Variants in RERE observed in about 807,000 individuals in gnomAD.
RERE encodes arginine-glutamic acid dipeptide repeats protein.
A neutral mutation model predicts 146.1 loss-of-function variants in RERE; 40 were observed. The observed-to-expected ratio is 0.27, with a 90% CI of 0.21 to 0.36. The LOEUF (loss-of-function observed/expected upper bound fraction) is 0.36. RERE is among the 10% of genes least tolerant of loss of function. The pLI, the probability that RERE is intolerant of heterozygous loss-of-function variation, is 1.00. For synonymous variants in RERE, 1,003 were observed against 866.0 expected (o/e 1.16, Z -2.78); for missense variants, 1,933 against 2,138.7 (o/e 0.90, Z 1.90).
At chr1:8,503,461 G>A (rs1645208691) in intron 8 of RERE, among the ~76,000 whole-genome samples, 1 of 152,150 alleles carries the variant, frequency 6.6e-6, no homozygotes, top group Admixed American at 6.5e-5. Flanking sequence ...AATGGCAAAT[G>A]ACTGGAATCA....
chr1:8,714,110 C>T (rs373340544), intron 1 of RERE, among the ~76,000 whole-genome samples: 1 of 152,134 alleles, frequency 6.6e-6, no homozygotes, highest in East Asian at 1.9e-4. Flanking sequence ...TTGCCATTCA[C>T]CCCAAGAAGT....
intron 1 of RERE, among the ~76,000 whole-genome samples, chr1:8,767,427 C>G (rs1346893393): frequency 6.6e-6 from 1 of 151,998 alleles, no homozygotes; most frequent in African/African-American, 2.4e-5. Context: ...ATGGTGAAAT[C>G]TCATCTCTAC....
Position 8,656,361 on chromosome 1 carries a change from C to T in RERE, c.-64G>A. ...GCCTCCGTGAAAGGTAGACAGTAAG[C>T]CTGGGCTTCAGTCTTCTGAATTTCT... is the stretch of plus-strand genomic sequence containing the variant. On this transcript the variant is annotated 5_prime_UTR_variant, in exon 2 of 23. Transcript: ENST00000400908. 6.6e-7 allele frequency: 1 copy of T among 1,522,208 alleles called. No homozygotes were observed. The highest frequency in any genetic ancestry group is 2.2e-5 in the Admixed American group (1 of 45,220). The allele number at this position is 1,522,208 out of a possible 1,614,324, so 94.3% of individuals were successfully genotyped here. A position where few individuals can be genotyped will look rare whatever the true frequency, so the allele number is the denominator to read the frequency against.
At chr1:8,391,838 C>G (rs1191559982) in intron 12 of RERE, among the ~76,000 whole-genome samples, 1 of 152,134 alleles carries the variant, frequency 6.6e-6, no homozygotes, top group East Asian at 1.9e-4. Context: ...GAGTCCTACA[C>G]CAGCCTGGCC....
intron 1 of RERE, among the ~76,000 whole-genome samples, chr1:8,762,676 A>T (rs1640777566): frequency 6.6e-6 from 1 of 152,122 alleles, no homozygotes; most frequent in Non-Finnish European, 1.5e-5. Context: ...CCTCAGGGGG[A>T]CTTTCCTCTG....
intron 12 of RERE, among the ~76,000 whole-genome samples, chr1:8,401,622 T>C (rs941342548): frequency 1.3e-5 from 2 of 151,904 alleles, no homozygotes; most frequent in Non-Finnish European, 2.9e-5. Flanking sequence ...TAGCCAGGCA[T>C]GGCATCATGC....
chr1:8,355,355 C>A, intron 22 of RERE, 64 bp downstream of exon 22: 1 of 1,556,202 alleles, frequency 6.4e-7, no homozygotes, highest in Non-Finnish European at 8.8e-7. Flanking sequence ...GCCCTGGGCA[C>A]ACGGGGAGGT....
chr1:8,677,143 A>C (rs1638857940), intron 1 of RERE, among the ~76,000 whole-genome samples: 1 of 152,122 alleles, frequency 6.6e-6, no homozygotes. Flanking sequence ...TCAGAAAAGT[A>C]ATTTGGCTGG....
intron 2 of RERE, among the ~76,000 whole-genome samples, chr1:8,647,844 G>A (rs1647400893): frequency 1.3e-5 from 2 of 152,154 alleles, no homozygotes; most frequent in South Asian, 4.1e-4. Context: ...GTAGCTAAAT[G>A]TTAGGACCAT....
At chr1:8,751,649 T>C (rs1017464258) in intron 1 of RERE, among the ~76,000 whole-genome samples, 7 of 152,124 alleles carry the variant, frequency 4.6e-5, no homozygotes, top group African/African-American at 1.7e-4. Context: ...CTTATTCCTA[T>C]AGCAACTCGG....
At chr1:8,733,876 TG>T (rs1407791403) in intron 1 of RERE, among the ~76,000 whole-genome samples, 2 of 152,194 alleles carry the variant, frequency 1.3e-5, no homozygotes, top group African/African-American at 4.8e-5. Context: ...TGAGGCAGGC[TG>T]GATCACCTGA....
At position 8,385,693 on chromosome 1, in the gene RERE, C is replaced by CCAAA. The variant is rs201024519; in HGVS notation, c.1285-19723_1285-19720dup. Among the ~76,000 whole-genome samples the CCAAA allele has an allele frequency of 4.3e-3, 650 of 151,488 alleles. 3 individuals are homozygous for CCAAA. The highest frequency in any genetic ancestry group is 4.1e-3 in the Non-Finnish European group (280 of 67,896). Reference sequence around the variant, plus strand: ...TTATTTCTTGAAGGGAAGCCTTCTACCAAACAAACAAACAAACAAACAAGA... The same window carrying CCAAA: ...TTATTTCTTGAAGGGAAGCCTTCTACCAAACAAACAAACAAACAAACAAACAAGA... On this transcript the variant is annotated intron_variant, in intron 12 of 22. Transcript: ENST00000400908.
intron 2 of RERE, among the ~76,000 whole-genome samples, chr1:8,624,779 C>T (rs560475530): frequency 1.8e-4 from 28 of 152,290 alleles, no homozygotes; most frequent in South Asian, 1.2e-3. Context: ...AAAAGAGAAA[C>T]GGCTTTGCCA....
intron 12 of RERE, among the ~76,000 whole-genome samples, chr1:8,385,993 AATAT>A (rs1553159745): frequency 8.7e-4 from 23 of 26,476 alleles, no homozygotes; most frequent in Admixed American, 2.1e-3. Context: ...AAAAAAAAAA[AATAT>A]ATATATATAT....
intron 4 of RERE, among the ~76,000 whole-genome samples, chr1:8,576,216 GAA>G (rs76238175): frequency 7.1e-6 from 1 of 141,384 alleles, no homozygotes; most frequent in Non-Finnish European, 1.6e-5. Context: ...TGGTTCTAGG[GAA>G]AAAAAAAAAA....
chr1:8,644,807 T>G (rs1647246257), intron 2 of RERE, among the ~76,000 whole-genome samples: 2 of 152,240 alleles, frequency 1.3e-5, no homozygotes, highest in South Asian at 4.1e-4. Flanking sequence ...GACATACAAT[T>G]TTTGGCAACA....
At chr1:8,367,355 T>C (rs141699350) in intron 12 of RERE, among the ~76,000 whole-genome samples, 17 of 152,306 alleles carry the variant, frequency 1.1e-4, no homozygotes, top group Non-Finnish European at 2.5e-4. Flanking sequence ...AGTACTTGAC[T>C]GCCCACAGCT....
chr1:8,570,366 T>G (rs1206575492), intron 4 of RERE, among the ~76,000 whole-genome samples: 1 of 151,994 alleles, frequency 6.6e-6, no homozygotes, highest in Non-Finnish European at 1.5e-5. Context: ...AAAATAAATT[T>G]TTTTGTAATT....
chr1:8,388,937 C>A (rs1313707530), intron 12 of RERE, among the ~76,000 whole-genome samples: 1 of 152,200 alleles, frequency 6.6e-6, no homozygotes, highest in African/African-American at 2.4e-5. Context: ...CCGAGCTCCA[C>A]AGCACACCCA....
Sources: gnomAD v4.1 joint callset for allele counts (sites outside exome capture counted in the v4.1 genomes callset) on GRCh38, gnomAD v4.1.1 for gene constraint, MANE v1.5 for transcripts, NCBI Gene and HGNC (gene_info 2026-07-23, HGNC 2026-07-21) for gene names.